Variants in COL8A1 observed in about 807,000 individuals in gnomAD.
COL8A1 encodes collagen alpha-1(VIII) chain.
In COL8A1, 21 loss-of-function variants were observed where a neutral mutation model predicts 42.7. That is an observed-to-expected ratio of 0.49 (90% CI 0.35 to 0.71). The LOEUF (loss-of-function observed/expected upper bound fraction) is 0.71. Ranked by LOEUF, COL8A1 falls within the 30% of genes least tolerant of loss-of-function variation. The probability of loss-of-function intolerance (pLI) is 0.01; values close to 1 mark genes in which losing one functional copy is unlikely to be tolerated. For synonymous variants in COL8A1, 367 were observed against 369.1 expected, an observed-to-expected ratio of 0.99 and a Z score of 0.06; for missense variants, 788 against 962.4, an observed-to-expected ratio of 0.82 and a Z score of 2.40.
At chr3:99,791,075 G>A in intron 3 of COL8A1, 65 bp downstream of exon 3, 1 of 1,389,346 alleles carries the variant, frequency 7.2e-7, no homozygotes, top group Non-Finnish European at 9.8e-7. Context: ...TATGGGATCA[G>A]AGGGGGAAGA....
At chr3:99,701,415 A>G (rs563654900) in intron 1 of COL8A1, among the ~76,000 whole-genome samples, 1 of 152,180 alleles carries the variant, frequency 6.6e-6, no homozygotes, top group Non-Finnish European at 1.5e-5. Context: ...AATGGGTGAG[A>G]ATTTTCCTTA....
chr3:99,729,689 GT>G (rs1940445256), intron 1 of COL8A1, among the ~76,000 whole-genome samples: 1 of 151,872 alleles, frequency 6.6e-6, no homozygotes, highest in African/African-American at 2.4e-5. Context: ...ACAACCTTTA[GT>G]TTTTGTAAAA....
At chr3:99,723,451 TAAAACA>T (rs896243226) in intron 1 of COL8A1, among the ~76,000 whole-genome samples, 75 of 152,246 alleles carry the variant, frequency 4.9e-4, no homozygotes, top group African/African-American at 1.7e-3. Flanking sequence ...TATTGCCCCT[TAAAACA>T]AAAACAAAAA....
chr3:99,734,798 C>T (rs1940650424), intron 1 of COL8A1, among the ~76,000 whole-genome samples: 1 of 152,096 alleles, frequency 6.6e-6, no homozygotes, highest in African/African-American at 2.4e-5. Context: ...AATGTTCTTC[C>T]ATTTGTTTGT....
At position 99,682,932 on chromosome 3, in the gene COL8A1, G is replaced by A. The variant is rs1000844734; in HGVS notation, c.-129+44268G>A. On this transcript the variant is annotated intron_variant, in intron 1 of 3. Transcript: ENST00000652472. Reference sequence around the variant, plus strand: ...ATTTGGGTTGCAGAGGAAAGAACTCGCTGACATTAAGTGTGAAATATGCCA... The same window carrying A: ...ATTTGGGTTGCAGAGGAAAGAACTCACTGACATTAAGTGTGAAATATGCCA... Among the ~76,000 whole-genome samples, 37 of 152,156 alleles carry A rather than the reference G, an allele frequency of 2.4e-4. 1 individual carries two copies. Among genetic ancestry groups the A allele is most frequent in the African/African-American group, 8.0e-4 (33 of 41,424 alleles).
At chr3:99,774,539 G>T (rs1053969535) in intron 2 of COL8A1, among the ~76,000 whole-genome samples, 7 of 152,090 alleles carry the variant, frequency 4.6e-5, no homozygotes, top group African/African-American at 1.7e-4. Context: ...TCACATGCTG[G>T]GAGATGGAGA....
chr3:99,779,644 G>A (rs375303445), intron 2 of COL8A1, among the ~76,000 whole-genome samples: 9 of 152,264 alleles, frequency 5.9e-5, no homozygotes, highest in East Asian at 3.9e-4. Context: ...GAGACGCGCC[G>A]CACTGAAGTG....
In COL8A1 at chr3:99,795,708, G is replaced by A. The variant is rs1049114344; in HGVS notation, c.1807G>A (p.Ala603Thr). The change falls in exon 4 of 4, where the codon GCT becomes ACT. Residue 603 changes from alanine to threonine, a missense_variant. Around this residue, in one of 4 missense-constraint regions of COL8A1, gnomAD observed 212 missense variants for 210.9 expected, o/e 1.00. Transcript: ENST00000652472. ...CGTGAAACCCCCCCATGCCTACGGG[G>A]CTAAGAAAGGCAAGAATGGAGGGCC... ...DGVKPPHAYG[A>T]KKGKNGGPAY... 29 of 1,614,000 alleles carry A rather than the reference G, an allele frequency of 1.8e-5. No homozygotes were observed. The highest frequency in any genetic ancestry group is 2.7e-5 in the African/African-American group (2 of 74,888).
Position 99,744,899 on chromosome 3 carries a change from G to A in COL8A1, c.-126G>A, listed in dbSNP as rs770795514. On this transcript the variant is annotated splice_region_variant and 5_prime_UTR_variant, in exon 2 of 4. Transcript: ENST00000652472. ...GTATCCTCTTTTTTCTACTTTAGAA[G>A]CTGTTGTGAAGGCAGAGCAGCATCT... The A allele has an allele frequency of 3.9e-5, 6 of 152,138 alleles. No homozygotes were observed. The highest frequency in any genetic ancestry group is 8.8e-5 in the Non-Finnish European group (6 of 68,042). 9.4% of individuals were successfully genotyped at this position (152,138 alleles called of 1,614,324 possible).
At chr3:99,699,404 T>C (rs1939469001) in intron 1 of COL8A1, among the ~76,000 whole-genome samples, 1 of 152,230 alleles carries the variant, frequency 6.6e-6, no homozygotes, top group African/African-American at 2.4e-5. Context: ...TTAGAGGGAC[T>C]AAATCTGTCC....
chr3:99,700,615 C>A (rs1488350976), intron 1 of COL8A1, among the ~76,000 whole-genome samples: 2 of 152,094 alleles, frequency 1.3e-5, no homozygotes, highest in Non-Finnish European at 2.9e-5. Context: ...AGAAAGAAAA[C>A]TCCTAATTCT....
chr3:99,785,316 CT>C (rs1941873060), intron 2 of COL8A1, among the ~76,000 whole-genome samples: 2 of 152,118 alleles, frequency 1.3e-5, no homozygotes, highest in South Asian at 2.1e-4. Context: ...CACACTAAGA[CT>C]TTTGATGATG....
At chr3:99,695,512 A>T (rs891264856) in intron 1 of COL8A1, among the ~76,000 whole-genome samples, 2 of 152,150 alleles carry the variant, frequency 1.3e-5, no homozygotes, top group Non-Finnish European at 2.9e-5. Context: ...CATAAAAAAT[A>T]AAAATAATTA....
intron 1 of COL8A1, among the ~76,000 whole-genome samples, chr3:99,706,877 G>A (rs1939693528): frequency 1.3e-5 from 2 of 152,164 alleles, no homozygotes; most frequent in African/African-American, 4.8e-5. Context: ...CACCCGGGAA[G>A]AGAGCTAAAT....
At chr3:99,778,616 TA>T (rs71625538) in intron 2 of COL8A1, among the ~76,000 whole-genome samples, 15,185 of 143,962 alleles carry the variant, frequency 0.11, 914 homozygotes, top group South Asian at 0.19. Context: ...GCTTTTAAAA[TA>T]AAAAAAAAAA....
intron 2 of COL8A1, among the ~76,000 whole-genome samples, chr3:99,765,086 C>A (rs1220733997): frequency 1.3e-5 from 2 of 152,008 alleles, no homozygotes; most frequent in African/African-American, 4.8e-5. Flanking sequence ...GATGATACAA[C>A]AAGGAATAAC....
chr3:99,697,021 C>G (rs1381070263), intron 1 of COL8A1, among the ~76,000 whole-genome samples: 1 of 117,560 alleles, frequency 8.5e-6, no homozygotes, highest in African/African-American at 3.2e-5. Context: ...GAGTCTCGCT[C>G]TGTCGCCCAG....
chr3:99,754,959 T>TA (rs1453258275), intron 2 of COL8A1, among the ~76,000 whole-genome samples: 1 of 152,066 alleles, frequency 6.6e-6, no homozygotes, highest in African/African-American at 2.4e-5. Context: ...AAAATAAACA[T>TA]AGAGTCAGAG....
chr3:99,647,948 A>C (rs146971529), intron 1 of COL8A1, among the ~76,000 whole-genome samples: 1 of 152,208 alleles, frequency 6.6e-6, no homozygotes, highest in African/African-American at 2.4e-5. Context: ...CCTGGAGGTC[A>C]GTATCCCGTA....
Sources: gnomAD v4.1 joint callset for allele counts (sites outside exome capture counted in the v4.1 genomes callset) on GRCh38, gnomAD v4.1.1 for gene constraint, gnomAD v4.1.1 regional missense constraint, MANE v1.5 for transcripts, NCBI Gene and HGNC (gene_info 2026-07-23, HGNC 2026-07-21) for gene names.